The following RASGEF1A variants were observed in gnomAD, a reference collection of about 807,000 sequenced individuals.
RASGEF1A encodes RasGEF domain family member 1A.
In RASGEF1A, 18 loss-of-function variants were observed where a neutral mutation model predicts 56.4. That is an observed-to-expected ratio of 0.32 (90% CI 0.22 to 0.47). The LOEUF is 0.47. Among genes scored for constraint, RASGEF1A ranks in the 20% least tolerant of loss-of-function variants. The probability of loss-of-function intolerance (pLI) is 1.00; values close to 1 mark genes in which losing one functional copy is unlikely to be tolerated. For missense variants in RASGEF1A, 422 were observed against 627.1 expected (o/e 0.67, Z 3.49); for synonymous variants, 245 against 242.6 (o/e 1.01, Z -0.09).
Position 43,206,181 on chromosome 10 carries a change from C to T in RASGEF1A, c.-6-59G>A, listed in dbSNP as rs539035041. 3.5e-6 allele frequency: 5 copies of T among 1,410,056 alleles called. No individual in the cohort carries two copies. In the South Asian group the frequency reaches 6.2e-5, roughly 18 times the overall value. 87.3% of individuals were successfully genotyped at this position (1,410,056 alleles called of 1,614,324 possible). ...AGGCGCCTCCACAGCTCCACAGACC[C>T]TCCTCCCAGGCAGCCTGCAGCGTGC... is the stretch of plus-strand genomic sequence containing the variant. On this transcript the variant is annotated intron_variant, in intron 1 of 12. Transcript: ENST00000395810.
At chr10:43,227,559 G>C (rs1412194934) in intron 1 of RASGEF1A, among the ~76,000 whole-genome samples, 3 of 152,176 alleles carry the variant, frequency 2.0e-5, no homozygotes, top group African/African-American at 7.2e-5. Flanking sequence ...TTTGGGCCTG[G>C]GAAGGCTGGG....
chr10:43,235,774 G>C (rs1476161945), intron 1 of RASGEF1A, among the ~76,000 whole-genome samples: 1 of 152,164 alleles, frequency 6.6e-6, no homozygotes, highest in Non-Finnish European at 1.5e-5. Flanking sequence ...GGATCGGGGG[G>C]ACACAAGGCA....
In RASGEF1A at chr10:43,196,695, G is replaced by C. The variant is rs12770047; in HGVS notation, c.1349-147C>G. On this transcript the variant is annotated intron_variant, in intron 11 of 12. Transcript: ENST00000395810. The surrounding 1 kb of genome is among the most constrained non-coding windows in gnomAD (Gnocchi z 4.6). Reference sequence around the variant, plus strand: ...AGTTCTCTGCTGTGCGGGGCTCTCAGGCTGCCTGTTGGGGACTCTAGGAAG... The same window carrying C: ...AGTTCTCTGCTGTGCGGGGCTCTCACGCTGCCTGTTGGGGACTCTAGGAAG... 1 of 821,808 alleles carries C rather than the reference G, an allele frequency of 1.2e-6. No homozygotes were observed. The highest frequency in any genetic ancestry group is 2.2e-5 in the Admixed American group (1 of 44,664). The allele number at this position is 821,808 out of a possible 1,614,324, so 50.9% of individuals were successfully genotyped here. A position where few individuals can be genotyped will look rare whatever the true frequency, so the allele number is the denominator to read the frequency against.
intron 4 of RASGEF1A, among the ~76,000 whole-genome samples, chr10:43,201,506 T>C (rs887165477): frequency 2.2e-4 from 33 of 152,252 alleles, no homozygotes; most frequent in African/African-American, 7.9e-4. Flanking sequence ...AAACTCTCAA[T>C]AGGCTCCCAC....
intron 1 of RASGEF1A, among the ~76,000 whole-genome samples, chr10:43,254,393 G>C (rs894235354): frequency 9.9e-5 from 15 of 152,216 alleles, no homozygotes; most frequent in African/African-American, 3.4e-4. Context: ...CTGAGGGCAC[G>C]GGTTTCCTAA....
intron 1 of RASGEF1A, among the ~76,000 whole-genome samples, chr10:43,242,491 GCTCCCT>G (rs146744740): frequency 0.047 from 7,052 of 151,480 alleles, 184 homozygotes; most frequent in South Asian, 0.088. Context: ...AAAAAAAATC[GCTCCCT>G]CTCCCTCTCC....
rs572886951 is a variant in RASGEF1A at position 43,253,130 on chromosome 10, C to T, written c.-7+13715G>A. On this transcript the variant is annotated intron_variant, in intron 1 of 12. Transcript: ENST00000395810. The stretch of plus-strand genomic sequence containing the variant: ...TGCCCCCACACACTTCCACGCCCAC[C>T]GTAGCAAGGCCACCTGCAGGAGGGG... Among the ~76,000 whole-genome samples the T allele has an allele frequency of 4.8e-4, 73 of 152,270 alleles. 3 individuals carry two copies. In the South Asian group the frequency reaches 0.012, roughly 26 times the overall value.
intron 1 of RASGEF1A, among the ~76,000 whole-genome samples, chr10:43,262,022 C>T (rs2133232509): frequency 6.6e-6 from 1 of 152,250 alleles, no homozygotes; most frequent in African/African-American, 2.4e-5. Flanking sequence ...GCCCCAGTGC[C>T]CCAGCTGTGG....
intron 1 of RASGEF1A, among the ~76,000 whole-genome samples, chr10:43,215,305 C>T (rs1346811678): frequency 1.3e-5 from 2 of 152,200 alleles, no homozygotes; most frequent in Admixed American, 6.5e-5. Context: ...TGAGGCAGCA[C>T]GTGGGCTTCT....
At chr10:43,264,200 G>A (rs1420126377) in intron 1 of RASGEF1A, among the ~76,000 whole-genome samples, 1 of 151,832 alleles carries the variant, frequency 6.6e-6, no homozygotes, top group African/African-American at 2.4e-5. Context: ...CAGCGCGCAG[G>A]GACATTCTGC....
chr10:43,196,482 G>A lies in RASGEF1A; in HGVS notation c.1415C>T (p.Thr472Ile). Reference protein sequence around the residue: ...ENHMEKDSWKTLRTTLLNRA With the variant: ...ENHMEKDSWKILRTTLLNRA ...GTTCCTGACGCCCTCCTACCTGAGGGTCTTCCAGCTGTCTTTTTCCATGTG... is the reference window on the plus strand; with the variant it reads ...GTTCCTGACGCCCTCCTACCTGAGGATCTTCCAGCTGTCTTTTTCCATGTG... Residue 472 changes from threonine to isoleucine, a missense_variant, in exon 12 of 13, where the codon ACC becomes ATC. Thr to Ile is a moderately conservative substitution (Grantham distance 89). Transcript: ENST00000395810. This position sits in a 1 kb window ranked among gnomAD's most constrained non-coding sequence, Gnocchi z 4.6. The A allele has an allele frequency of 6.2e-7, 1 of 1,613,928 alleles. No homozygotes were observed. The highest frequency in any genetic ancestry group is 8.5e-7 in the Non-Finnish European group (1 of 1,179,914).
chr10:43,211,820 C>T (rs916398601), intron 1 of RASGEF1A, among the ~76,000 whole-genome samples: 8 of 152,220 alleles, frequency 5.3e-5, no homozygotes, highest in African/African-American at 1.7e-4. Context: ...CCCACACCCA[C>T]GGGAAGCCTC....
chr10:43,248,486 T>C (rs1356419011), intron 1 of RASGEF1A, among the ~76,000 whole-genome samples: 4 of 151,988 alleles, frequency 2.6e-5, no homozygotes, highest in Admixed American at 6.5e-5. Flanking sequence ...ATGTGAATTA[T>C]ATATTTCAAT....
intron 1 of RASGEF1A, 40 bp from the exon 2 acceptor site, chr10:43,206,162 C>T (rs1839992994): frequency 6.8e-7 from 1 of 1,464,090 alleles, no homozygotes; most frequent in Non-Finnish European, 9.3e-7. Context: ...TCAAAGGCGC[C>T]TCCACAGCTC....
At position 43,260,392 on chromosome 10, in the gene RASGEF1A, C is replaced by T. The variant is rs563116915; in HGVS notation, c.-7+6453G>A. ...CTGTGTCTTCCCCTGACAGCGTCCCCGGTTGCCTCACATAAGACAGCTCTG... is the reference window on the plus strand; with the variant it reads ...CTGTGTCTTCCCCTGACAGCGTCCCTGGTTGCCTCACATAAGACAGCTCTG... On this transcript the variant is annotated intron_variant, in intron 1 of 12. Coordinates refer to ENST00000395810, the MANE Select transcript of RASGEF1A (RefSeq NM_145313.4). Among the ~76,000 whole-genome samples, 9 of 152,332 alleles carry T rather than the reference C, an allele frequency of 5.9e-5. No homozygotes were observed. The South Asian group carries it at 1.0e-3, about 18-fold the overall frequency.
intron 1 of RASGEF1A, among the ~76,000 whole-genome samples, chr10:43,240,251 C>G (rs1266345755): frequency 2.0e-5 from 3 of 152,174 alleles, no homozygotes; most frequent in African/African-American, 7.2e-5. Context: ...GATAACTGAG[C>G]AGAGATTTCA....
intron 1 of RASGEF1A, among the ~76,000 whole-genome samples, chr10:43,241,479 A>T (rs1224921030): frequency 6.6e-6 from 1 of 152,236 alleles, no homozygotes; most frequent in African/African-American, 2.4e-5. Context: ...ATTGACATGT[A>T]CATATAACAT....
At chr10:43,262,864 G>C (rs754387286) in intron 1 of RASGEF1A, among the ~76,000 whole-genome samples, 5 of 152,242 alleles carry the variant, frequency 3.3e-5, no homozygotes, top group Non-Finnish European at 7.3e-5. Context: ...GCCCACAGAG[G>C]TGGCAGTGAG....
At position 43,194,943 on chromosome 10, in the gene RASGEF1A, GGGCCCAGGGCTGCCTCCTCCCCA is replaced by G. The variant is rs1839775151; in HGVS notation, c.*1278_*1300del. ...ACCCAGGACCAGAGGCATGGGCAGCGGGCCCAGGGCTGCCTCCTCCCCAGGCCCAGCCTTTCCCAATGTCTTCA... is the reference window on the plus strand; with the variant it reads ...ACCCAGGACCAGAGGCATGGGCAGCGGGCCCAGCCTTTCCCAATGTCTTCA... On this transcript the variant is annotated 3_prime_UTR_variant, in exon 13 of 13. Coordinates refer to ENST00000395810, the MANE Select transcript of RASGEF1A (RefSeq NM_145313.4). 6.6e-6 allele frequency: 1 copy of G among 152,600 alleles called. No individual in the cohort carries two copies. The highest frequency in any genetic ancestry group is 2.4e-5 in the African/African-American group (1 of 41,446). The allele number at this position is 152,600 out of a possible 1,614,324, so 9.5% of individuals were successfully genotyped here. A position where few individuals can be genotyped will look rare whatever the true frequency, so the allele number is the denominator to read the frequency against.
Sources: gnomAD v4.1 joint callset for allele counts (sites outside exome capture counted in the v4.1 genomes callset) on GRCh38, gnomAD v4.1.1 for gene constraint, Gnocchi (gnomAD v3.1) non-coding constraint, MANE v1.5 for transcripts, NCBI Gene and HGNC (gene_info 2026-07-23, HGNC 2026-07-21) for gene names.